Variants in GRIN3A observed in about 807,000 individuals in gnomAD.
The protein encoded by GRIN3A is glutamate ionotropic receptor NMDA type subunit 3A, also known as glutamate receptor ionotropic, NMDA 3A.
GRIN3A carries 47 observed loss-of-function variants against 92.4 expected under a neutral mutation model. The ratio of observed to expected loss-of-function variants is 0.51; its 90% confidence interval spans 0.40 to 0.65. The LOEUF (loss-of-function observed/expected upper bound fraction) is 0.65, where lower values mean the gene tolerates loss of function less well. Among genes scored for constraint, GRIN3A ranks in the 30% least tolerant of loss-of-function variants. GRIN3A has a pLI of 0.00. For missense variants in GRIN3A, 1,324 were observed against 1,393.1 expected (o/e 0.95, Z 0.79); for synonymous variants, 527 against 540.6 (o/e 0.97, Z 0.35).
At chr9:101,676,249 A>G (rs896740890) in intron 2 of GRIN3A, among the ~76,000 whole-genome samples, 4 of 151,708 alleles carry the variant, frequency 2.6e-5, no homozygotes, top group Middle Eastern at 3.4e-3. Context: ...TCACTCATCA[A>G]TTTGTCTCTT....
intron 3 of GRIN3A, among the ~76,000 whole-genome samples, chr9:101,668,860 A>G (rs1829276305): frequency 6.6e-6 from 1 of 152,174 alleles, no homozygotes; most frequent in Non-Finnish European, 1.5e-5. Context: ...GGGGCATTCT[A>G]TCATTTAGTA....
At chr9:101,585,849 A>G (rs1007599513) in intron 6 of GRIN3A, among the ~76,000 whole-genome samples, 6 of 152,114 alleles carry the variant, frequency 3.9e-5, no homozygotes, top group African/African-American at 1.2e-4. Context: ...ATGCCTGGTC[A>G]TGGTTTTCTG....
chr9:101,666,113 C>A (rs1179255070), intron 3 of GRIN3A, among the ~76,000 whole-genome samples: 2 of 151,900 alleles, frequency 1.3e-5, no homozygotes, highest in Non-Finnish European at 2.9e-5. Context: ...AAATCCTATA[C>A]ACCAACATCC....
chr9:101,617,356 A>G (rs886121196), intron 5 of GRIN3A, among the ~76,000 whole-genome samples: 24 of 152,094 alleles, frequency 1.6e-4, no homozygotes, highest in African/African-American at 5.8e-4. Context: ...TAAATTCTTA[A>G]CTTCATACTT....
intron 5 of GRIN3A, among the ~76,000 whole-genome samples, chr9:101,616,338 G>A (rs1828453436): frequency 1.3e-5 from 2 of 152,120 alleles, no homozygotes; most frequent in Admixed American, 1.3e-4. Context: ...ATTTTAAAAT[G>A]TTATTTAATA....
At chr9:101,724,600 T>C (rs1219897801) in intron 1 of GRIN3A, among the ~76,000 whole-genome samples, 2 of 152,128 alleles carry the variant, frequency 1.3e-5, no homozygotes, top group Non-Finnish European at 2.9e-5. Context: ...GCCGCCAAAG[T>C]GGGATCCCAG....
intron 6 of GRIN3A, chr9:101,600,970 T>G (rs961220535): frequency 3.9e-5 from 6 of 152,354 alleles, no homozygotes; most frequent in Non-Finnish European, 8.8e-5. Flanking sequence ...CATTAAAGAA[T>G]TATAATTAAT....
chr9:101,689,799 A>T lies in GRIN3A; in HGVS notation c.700-2599T>A, dbSNP rs1412629611. ...AAAGATTATGAAAACTTATAACACT[A>T]AAATTCAAGCCTGATAGTAAAATTT... On this transcript the variant is annotated intron_variant, in intron 1 of 8. Coordinates refer to ENST00000361820, the MANE Select transcript of GRIN3A (RefSeq NM_133445.3). Among the ~76,000 whole-genome samples the T allele has an allele frequency of 1.9e-4, 29 of 151,954 alleles. 1 individual carries two copies. The highest frequency in any genetic ancestry group is 1.9e-3 in the Admixed American group (29 of 15,238).
At chr9:101,676,569 G>A (rs1468755502) in intron 2 of GRIN3A, among the ~76,000 whole-genome samples, 1 of 150,010 alleles carries the variant, frequency 6.7e-6, no homozygotes, top group Non-Finnish European at 1.5e-5. Context: ...TTTTTTTTCT[G>A]TGAGAACTTC....
At chr9:101,590,362 T>C (rs1468769286) in intron 6 of GRIN3A, among the ~76,000 whole-genome samples, 2 of 112,574 alleles carry the variant, frequency 1.8e-5, no homozygotes. Flanking sequence ...ATTTATTTAT[T>C]TATTTATTTA....
chr9:101,572,945 T>A lies in GRIN3A; in HGVS notation c.*229A>T. On this transcript the variant is annotated 3_prime_UTR_variant, in exon 9 of 9. Transcript: ENST00000361820. ...CACAGATCTCTCGCACAGAGCTTACTCCTGACTAAGATTCTTGCTAGAAAA... is the reference window on the plus strand; with the variant it reads ...CACAGATCTCTCGCACAGAGCTTACACCTGACTAAGATTCTTGCTAGAAAA... The A allele has an allele frequency of 1.8e-6, 1 of 558,376 alleles. No individual in the cohort carries two copies. Among genetic ancestry groups the A allele is most frequent in the East Asian group, 3.1e-5 (1 of 32,120 alleles). 34.6% of individuals were successfully genotyped at this position (558,376 alleles called of 1,614,324 possible).
chr9:101,733,029 T>G (rs1255203417), intron 1 of GRIN3A, among the ~76,000 whole-genome samples: 7 of 152,152 alleles, frequency 4.6e-5, no homozygotes, highest in Admixed American at 3.9e-4. Context: ...GGAATTTGAC[T>G]GGGGGGTTAT....
intron 6 of GRIN3A, chr9:101,603,092 G>A (rs1828233299): frequency 6.6e-6 from 1 of 152,180 alleles, no homozygotes; most frequent in Admixed American, 6.5e-5. Context: ...AATTTGAAAA[G>A]TAGAAAATTC....
chr9:101,655,838 G>C (rs34920714), intron 3 of GRIN3A, among the ~76,000 whole-genome samples: 17,832 of 151,870 alleles, frequency 0.12, 1,274 homozygotes, highest in East Asian at 0.17. Flanking sequence ...TTTCTAAAAG[G>C]TTGTAAAAAT....
At chr9:101,693,116 G>A (rs1829640550) in intron 1 of GRIN3A, among the ~76,000 whole-genome samples, 1 of 151,926 alleles carries the variant, frequency 6.6e-6, no homozygotes, top group Non-Finnish European at 1.5e-5. Context: ...CTAAGAAATA[G>A]AGCTTGGGCC....
chr9:101,596,961 G>A (rs999708249), intron 6 of GRIN3A, among the ~76,000 whole-genome samples: 2 of 152,176 alleles, frequency 1.3e-5, no homozygotes, highest in African/African-American at 2.4e-5. Flanking sequence ...AACCAAGTAC[G>A]GGACCTTATG....
At chr9:101,573,601 A>G (rs749542061) in intron 8 of GRIN3A, 88 bp from the exon 9 acceptor site, 5 of 1,036,550 alleles carry the variant, frequency 4.8e-6, no homozygotes, top group Non-Finnish European at 7.4e-6. Context: ...CTGTGCAATA[A>G]TATGGAGCTG....
intron 5 of GRIN3A, among the ~76,000 whole-genome samples, chr9:101,616,436 G>A (rs2118854233): frequency 6.6e-6 from 1 of 152,058 alleles, no homozygotes; most frequent in South Asian, 2.1e-4. Context: ...GCATAAAACA[G>A]GCACTCAAAA....
At chr9:101,726,192 T>C (rs989695874) in intron 1 of GRIN3A, among the ~76,000 whole-genome samples, 1 of 152,204 alleles carries the variant, frequency 6.6e-6, no homozygotes, top group Non-Finnish European at 1.5e-5. Flanking sequence ...CAATCAGATA[T>C]CTGGATAATT....
Sources: allele counts gnomAD v4.1 joint callset (sites outside exome capture counted in the v4.1 genomes callset), GRCh38; gene constraint gnomAD v4.1.1; transcripts MANE v1.5; gene names NCBI Gene and HGNC (gene_info 2026-07-23, HGNC 2026-07-21).